KRT71: variants seen among roughly 807,000 people sequenced by gnomAD.
KRT71 encodes keratin, type II cytoskeletal 71.
Under a neutral mutation model 46.2 loss-of-function variants are expected in KRT71, and 42 were observed. That is an observed-to-expected ratio of 0.91 (90% CI 0.71 to 1.18). The LOEUF (loss-of-function observed/expected upper bound fraction) is 1.18. KRT71 is among the 50% of genes most tolerant of loss of function. The pLI, the probability that KRT71 is intolerant of heterozygous loss-of-function variation, is 0.00. For synonymous variants in KRT71, 292 were observed against 277.8 expected (o/e 1.05, Z -0.51); for missense variants, 708 against 677.9 (o/e 1.04, Z -0.49).
At chr12:52,546,234 T>A (rs2120558493) in intron 7 of KRT71, 52 bp downstream of exon 7, 2 of 1,598,166 alleles carry the variant, frequency 1.3e-6, no homozygotes, top group East Asian at 2.2e-5. Flanking sequence ...GCTTTCTCCT[T>A]TGGGTCTTCC....
In KRT71 at chr12:52,550,270, G is replaced by A; in HGVS notation, c.442-27C>T. 1.9e-6 allele frequency: 3 copies of A among 1,613,092 alleles called. No homozygotes were observed. In the East Asian group the frequency reaches 6.7e-5, roughly 36 times the overall value. The stretch of plus-strand genomic sequence containing the variant: ...TGGAACCCAGATCCCAGAAACTGCT[G>A]AACCCTTGCAGTAATAGTCACACGT... On this transcript the variant is annotated intron_variant, in intron 1 of 8. Transcript: ENST00000267119.
intron 8 of KRT71, 49 bp from the exon 9 acceptor site, chr12:52,544,792 G>A: frequency 6.6e-7 from 1 of 1,512,462 alleles, no homozygotes; most frequent in African/African-American, 1.4e-5. Context: ...GAGCTGGGGA[G>A]GCCTCCTTTT....
At position 52,544,101 on chromosome 12, in the gene KRT71, T is replaced by C. The variant is rs535892694; in HGVS notation, c.*431A>G. ...GGGGACTGGGCCACTCTTGGTTGTT[T>C]GTCCTTCAGTCCTCCTTTTCTTAAA... On this transcript the variant is annotated 3_prime_UTR_variant, in exon 9 of 9. Transcript: ENST00000267119. 9 of 191,230 alleles carry C rather than the reference T, an allele frequency of 4.7e-5. No homozygotes were observed. The South Asian group carries it at 1.1e-3, about 23-fold the overall frequency. The allele number at this position is 191,230 out of a possible 1,614,324, so 11.8% of individuals were successfully genotyped here.
chr12:52,545,399 A>C (rs1469150750), intron 8 of KRT71, among the ~76,000 whole-genome samples, 166 bp downstream of exon 8: 2 of 152,236 alleles, frequency 1.3e-5, no homozygotes, highest in Non-Finnish European at 2.9e-5. Context: ...CCTGGGAGTC[A>C]GGAAAGCCGA....
At chr12:52,549,434 G>T in intron 2 of KRT71, 81 bp from the exon 3 acceptor site, 1 of 1,177,292 alleles carries the variant, frequency 8.5e-7, no homozygotes, top group Non-Finnish European at 1.3e-6. Flanking sequence ...GCAAGGAGCA[G>T]CGTGTCCATC....
chr12:52,550,347 G>A, intron 1 of KRT71, 104 bp from the exon 2 acceptor site: 1 of 1,353,620 alleles, frequency 7.4e-7, no homozygotes, highest in Non-Finnish European at 1.0e-6. Flanking sequence ...CTCCTCAATA[G>A]AGCTGAAAGA....
intron 3 of KRT71, 116 bp downstream of exon 3, chr12:52,549,177 A>T: frequency 1.2e-6 from 1 of 824,854 alleles, no homozygotes; most frequent in Middle Eastern, 3.4e-4. Flanking sequence ...CTCTGCCTTC[A>T]CCTTGCTCTT....
At chr12:52,548,856 T>C in intron 3 of KRT71, 60 bp from the exon 4 acceptor site, 2 of 1,442,408 alleles carry the variant, frequency 1.4e-6, no homozygotes, top group South Asian at 1.1e-5. Flanking sequence ...GCAGCAGCCA[T>C]CCCTGCCTGG....
Position 52,544,471 on chromosome 12 carries a change from A to T in KRT71, c.*61T>A. On this transcript the variant is annotated 3_prime_UTR_variant, in exon 9 of 9. Transcript: ENST00000267119. Reference sequence around the variant, plus strand: ...GATGGAGCTGAGAGTGGGCTGTGGGAAGTACAGTGTGGGATCCAGAGCCGG... The same window carrying T: ...GATGGAGCTGAGAGTGGGCTGTGGGTAGTACAGTGTGGGATCCAGAGCCGG... 3 of 1,431,102 alleles carry T rather than the reference A, an allele frequency of 2.1e-6. No homozygotes were observed. The highest frequency in any genetic ancestry group is 1.4e-5 in the African/African-American group (1 of 71,560). 88.7% of individuals were successfully genotyped at this position (1,431,102 alleles called of 1,614,324 possible).
intron 7 of KRT71, 69 bp downstream of exon 7, chr12:52,546,217 G>A: frequency 1.9e-6 from 3 of 1,544,028 alleles, no homozygotes; most frequent in African/African-American, 1.4e-5. Context: ...GGATTGAGAT[G>A]TGTTAGGCTT....
chr12:52,552,637 C>T lies in KRT71; in HGVS notation c.441G>A (p.Lys147=). 1 of 1,608,536 alleles carries T rather than the reference C, an allele frequency of 6.2e-7. No homozygotes were observed. Residue 147 remains lysine, a splice_region_variant and synonymous_variant, in exon 1 of 9, where the codon AAG becomes AAA. Coordinates refer to ENST00000267119, the MANE Select transcript of KRT71 (RefSeq NM_033448.3). ...LNNKFASFID[K]VRFLEQQNQV... ...GTTCCCCAGGCCCTAGAAGACCCACCTTGTCGATGAAGGAGGCGAACTTGT... is the reference window on the plus strand; with the variant it reads ...GTTCCCCAGGCCCTAGAAGACCCACTTTGTCGATGAAGGAGGCGAACTTGT...
chr12:52,551,495 C>T (rs1483348825), intron 1 of KRT71, among the ~76,000 whole-genome samples: 3 of 152,214 alleles, frequency 2.0e-5, no homozygotes, highest in African/African-American at 4.8e-5. Flanking sequence ...AATAAGAAGC[C>T]GCAGAGCCAG....
chr12:52,545,051 T>C (rs565991309), intron 8 of KRT71, among the ~76,000 whole-genome samples: 2 of 152,306 alleles, frequency 1.3e-5, no homozygotes, highest in Admixed American at 1.3e-4. Flanking sequence ...GCCTTTTTGC[T>C]AAACTTCCCA....
rs150926337 is a variant in KRT71, at chr12:52,551,927, A to G, written c.441+710T>C. Among the ~76,000 whole-genome samples the G allele has an allele frequency of 2.4e-3, 369 of 152,338 alleles. 2 individuals are homozygous for G. The highest frequency in any genetic ancestry group is 7.9e-3 in the African/African-American group (329 of 41,578). On this transcript the variant is annotated intron_variant, in intron 1 of 8. Coordinates refer to ENST00000267119, the MANE Select transcript of KRT71 (RefSeq NM_033448.3). ...CCAGAGATAAGAAATGAGAGTCACAATCACAATCATTTTTGGAGTATTTAG... is the reference window on the plus strand; with the variant it reads ...CCAGAGATAAGAAATGAGAGTCACAGTCACAATCATTTTTGGAGTATTTAG...
At chr12:52,548,121 C>A in intron 5 of KRT71, 31 bp downstream of exon 5, 1 of 1,608,156 alleles carries the variant, frequency 6.2e-7, no homozygotes, top group Non-Finnish European at 8.5e-7. Context: ...GCTGGCATCA[C>A]CCTCCCTGGC....
At chr12:52,549,379 G>A (rs1477054165) in intron 2 of KRT71, 26 bp from the exon 3 acceptor site, 2 of 1,592,758 alleles carry the variant, frequency 1.3e-6, no homozygotes, top group South Asian at 2.2e-5. Flanking sequence ...GGGCTCATTG[G>A]TTAATATCTC....
rs1445919741 is a variant in KRT71 at position 52,546,345 on chromosome 12, C to T, written c.1266G>A (p.Lys422=). Residue 422 remains lysine (K), a synonymous_variant, in exon 7 of 9, where the codon AAG becomes AAA. Transcript: ENST00000267119. ...TGGCGATCTCCATGTCCAGGGCCAG[C>T]TTCAGGCTCATGAGCTCCTGGTACT... ...LREYQELMSL[K]LALDMEIATY... 1.2e-6 allele frequency: 2 copies of T among 1,614,218 alleles called. No homozygotes were observed. The highest frequency in any genetic ancestry group is 2.2e-5 in the East Asian group (1 of 44,874).
intron 1 of KRT71, among the ~76,000 whole-genome samples, chr12:52,550,533 G>T (rs1327831367): frequency 6.6e-6 from 1 of 152,180 alleles, no homozygotes; most frequent in African/African-American, 2.4e-5. Context: ...CACCAACTCA[G>T]GGCTTGGCTG....
intron 1 of KRT71, among the ~76,000 whole-genome samples, chr12:52,551,336 C>T (rs1939164680): frequency 6.6e-6 from 1 of 152,202 alleles, no homozygotes; most frequent in Admixed American, 6.5e-5. Context: ...GGATGTGACC[C>T]TCCTCATGTT....
Sources: gnomAD v4.1 joint callset for allele counts (sites outside exome capture counted in the v4.1 genomes callset) on GRCh38, gnomAD v4.1.1 for gene constraint, MANE v1.5 for transcripts, NCBI Gene and HGNC (gene_info 2026-07-23, HGNC 2026-07-21) for gene names.